The following MICAL2 variants were observed in gnomAD, a reference collection of about 807,000 sequenced individuals.
MICAL2 encodes [F-actin]-monooxygenase MICAL2.
MICAL2 carries 77 observed loss-of-function variants against 127.3 expected under a neutral mutation model. The ratio of observed to expected loss-of-function variants is 0.60; its 90% CI spans 0.50 to 0.73. MICAL2 has a LOEUF of 0.73. MICAL2 is among the 30% of genes least tolerant of loss of function. The pLI is 0.00. For missense variants in MICAL2, 1,351 were observed against 1,434.4 expected (o/e 0.94, Z 0.94); for synonymous variants, 570 against 551.1 (o/e 1.03, Z -0.48).
At chr11:12,158,113 G>A (rs1854388016) in intron 2 of MICAL2, among the ~76,000 whole-genome samples, 1 of 152,048 alleles carries the variant, frequency 6.6e-6, no homozygotes, top group South Asian at 2.1e-4. Context: ...ATGCTGTAAG[G>A]AAGTGTTCAT....
intron 2 of MICAL2, among the ~76,000 whole-genome samples, chr11:12,158,540 T>C (rs1337176364): frequency 2.6e-5 from 4 of 152,198 alleles, no homozygotes; most frequent in Non-Finnish European, 5.9e-5. Flanking sequence ...GTACTGAATA[T>C]GTACAGGCTT....
At chr11:12,302,480 G>A (rs188531693) in intron 29 of MICAL2, among the ~76,000 whole-genome samples, 228 of 152,224 alleles carry the variant, frequency 1.5e-3, no homozygotes, top group Non-Finnish European at 2.7e-3. Context: ...GTGTACAGTG[G>A]TGTCTCATTA....
At chr11:12,180,350 T>TATA (rs1554968182) in intron 3 of MICAL2, among the ~76,000 whole-genome samples, 41 of 104,100 alleles carry the variant, frequency 3.9e-4, no homozygotes, top group South Asian at 1.4e-3. Context: ...TATGTATATA[T>TATA]TTTTTTTTTG....
intron 29 of MICAL2, among the ~76,000 whole-genome samples, chr11:12,316,365 G>C (rs6485653): frequency 6.7e-6 from 1 of 149,708 alleles, no homozygotes; most frequent in Non-Finnish European, 1.5e-5. Context: ...ATGATTTTCA[G>C]TGTATAGGTC....
chr11:12,231,207 C>T (rs903489193), intron 15 of MICAL2, among the ~76,000 whole-genome samples: 1 of 152,252 alleles, frequency 6.6e-6, no homozygotes, highest in East Asian at 1.9e-4. Context: ...CATTACTGTA[C>T]ACATATGCAG....
chr11:12,173,104 G>T (rs1565094722), intron 3 of MICAL2, among the ~76,000 whole-genome samples: 1 of 152,130 alleles, frequency 6.6e-6, no homozygotes, highest in African/African-American at 2.4e-5. Flanking sequence ...TTCTTAGAAA[G>T]ATAAACCGAG....
chr11:12,249,524 C>T (rs756804454), intron 22 of MICAL2, among the ~76,000 whole-genome samples: 6 of 152,186 alleles, frequency 3.9e-5, no homozygotes, highest in Non-Finnish European at 5.9e-5. Flanking sequence ...GGCATATGGC[C>T]GAGGAATCAG....
intron 21 of MICAL2, among the ~76,000 whole-genome samples, chr11:12,248,177 G>C (rs1205355620): frequency 1.3e-5 from 2 of 152,194 alleles, no homozygotes; most frequent in Non-Finnish European, 2.9e-5. Flanking sequence ...CGCCCTCTCA[G>C]ATTGATATTC....
At chr11:12,118,195 C>A (rs532852468) in intron 1 of MICAL2, among the ~76,000 whole-genome samples, 2 of 152,294 alleles carry the variant, frequency 1.3e-5, no homozygotes, top group African/African-American at 4.8e-5. Flanking sequence ...CACATACATA[C>A]ATATGTGTGT....
At chr11:12,264,205 T>G (rs965294357), downstream of MICAL2, among the ~76,000 whole-genome samples, 2 of 152,166 alleles carry the variant, frequency 1.3e-5, no homozygotes, top group Non-Finnish European at 2.9e-5. Flanking sequence ...AAGGTTGGTC[T>G]GGAACACTTC....
chr11:12,361,695 C>A (rs1213596003), downstream of MICAL2, among the ~76,000 whole-genome samples: 1 of 152,132 alleles, frequency 6.6e-6, no homozygotes, highest in Non-Finnish European at 1.5e-5. Flanking sequence ...CCCTGATGAG[C>A]TGCAATGAAA....
intron 2 of MICAL2, among the ~76,000 whole-genome samples, chr11:12,160,130 C>T (rs879734650): frequency 1.3e-5 from 2 of 152,122 alleles, no homozygotes; most frequent in African/African-American, 2.4e-5. Context: ...GAGGGAAGGT[C>T]GGGTAGGGCC....
chr11:12,268,228 G>C (rs1863630444), downstream of MICAL2, among the ~76,000 whole-genome samples: 1 of 152,182 alleles, frequency 6.6e-6, no homozygotes, highest in South Asian at 2.1e-4. Flanking sequence ...ATTATGAGAA[G>C]GGAGTTTTGA....
At chr11:12,299,852 T>C (rs1316711394) in intron 29 of MICAL2, among the ~76,000 whole-genome samples, 1 of 152,236 alleles carries the variant, frequency 6.6e-6, no homozygotes, top group Non-Finnish European at 1.5e-5. Context: ...AAGGTACTTC[T>C]CATCTGCCTC....
At chr11:12,268,653 G>A (rs536734491), downstream of MICAL2, among the ~76,000 whole-genome samples, 15 of 152,314 alleles carry the variant, frequency 9.8e-5, no homozygotes, top group African/African-American at 2.9e-4. Flanking sequence ...CTGCCTGCCC[G>A]GCAGCAGAGG....
chr11:12,134,178 G>A (rs1223047832), intron 1 of MICAL2, among the ~76,000 whole-genome samples: 4 of 152,198 alleles, frequency 2.6e-5, no homozygotes, highest in Non-Finnish European at 5.9e-5. Flanking sequence ...AATTCAATGA[G>A]TGTGACCACC....
At chr11:12,211,685 A>G (rs965794284) in intron 6 of MICAL2, among the ~76,000 whole-genome samples, 4 of 152,182 alleles carry the variant, frequency 2.6e-5, no homozygotes, top group African/African-American at 9.7e-5. Flanking sequence ...TGGAACCCCT[A>G]TTAACCTCAA....
chr11:12,242,395 T>G lies in MICAL2; in HGVS notation c.2519T>G (p.Leu840Arg). ...RPRAQALSGV[L>R]WRLQQVEEKI... is the part of the protein sequence containing the mutation. Reference sequence around the variant, plus strand: ...AGGGCGCAGGCTCTTTCCGGGGTGCTGTGGCGGCTGCAGCAAGTGGAGGAA... The same window carrying G: ...AGGGCGCAGGCTCTTTCCGGGGTGCGGTGGCGGCTGCAGCAAGTGGAGGAA... The change falls in exon 19 of 28, where the codon CTG (leucine) becomes CGG (arginine). Residue 840 changes from leucine to arginine, a missense_variant. Leu to Arg is a moderately radical substitution (Grantham distance 102). This residue lies in a region of MICAL2 where 752 missense variants were observed against 719.4 expected (regional missense o/e 1.05). Coordinates refer to ENST00000683283, the MANE Select transcript of MICAL2 (RefSeq NM_001282663.2). 6.2e-7 allele frequency: 1 copy of G among 1,610,608 alleles called. No individual in the cohort carries two copies. Among genetic ancestry groups the G allele is most frequent in the East Asian group, 2.2e-5 (1 of 44,786 alleles).
rs1009056209 is a variant in MICAL2 at position 12,241,217 on chromosome 11, C to A, written c.2337+55C>A. On this transcript the variant is annotated intron_variant, in intron 18 of 27. Transcript: ENST00000683283. ...GGTGAAGCCAGAGGGGACTTTGATC[C>A]AGATGGGTGGGGTCAGTGGCTCTTC... 11 of 1,577,058 alleles carry A rather than the reference C, an allele frequency of 7.0e-6. No homozygotes were observed. The Admixed American group carries it at 1.8e-4, about 26-fold the overall frequency.
Sources: gnomAD v4.1 joint callset for allele counts (sites outside exome capture counted in the v4.1 genomes callset) on GRCh38, gnomAD v4.1.1 for gene constraint, gnomAD v4.1.1 regional missense constraint, MANE v1.5 for transcripts, NCBI Gene and HGNC (gene_info 2026-07-23, HGNC 2026-07-21) for gene names.